Variants in KCNH1 observed in about 807,000 individuals in gnomAD.
The protein encoded by KCNH1 is voltage-gated delayed rectifier potassium channel KCNH1.
KCNH1 carries 27 observed loss-of-function variants against 69.2 expected under a neutral mutation model. The observed-to-expected ratio is 0.39, with a 90% CI of 0.29 to 0.54. The LOEUF (loss-of-function observed/expected upper bound fraction) is 0.54. KCNH1 is among the 20% of genes least tolerant of loss of function. KCNH1 has a pLI of 0.68. For missense variants in KCNH1, 798 were observed against 1,261.6 expected (o/e 0.63, Z 5.57); for synonymous variants, 456 against 487.7 (o/e 0.93, Z 0.86).
intron 7 of KCNH1, among the ~76,000 whole-genome samples, chr1:210,834,612 C>G (rs558945375): frequency 1.8e-4 from 27 of 149,744 alleles, no homozygotes; most frequent in African/African-American, 6.4e-4. Flanking sequence ...TGAAGTGCAC[C>G]AGCATGTCAC....
intron 7 of KCNH1, among the ~76,000 whole-genome samples, chr1:210,826,732 C>T (rs901123811): frequency 3.3e-5 from 5 of 152,218 alleles, no homozygotes; most frequent in African/African-American, 1.2e-4. Context: ...ATTCTGAATA[C>T]ATAGAAACTA....
chr1:211,106,081 C>G (rs1456957810), intron 2 of KCNH1, among the ~76,000 whole-genome samples: 1 of 152,124 alleles, frequency 6.6e-6, no homozygotes, highest in Non-Finnish European at 1.5e-5. Context: ...CTTCTGAAAA[C>G]AGAAGACTAT....
chr1:210,881,059 C>A (rs1686484900), intron 7 of KCNH1, among the ~76,000 whole-genome samples: 1 of 151,512 alleles, frequency 6.6e-6, no homozygotes. Flanking sequence ...ACTCTGTCAC[C>A]CAGGCTGGAG....
intron 5 of KCNH1, among the ~76,000 whole-genome samples, chr1:211,062,046 C>T (rs2102450487): frequency 6.6e-6 from 1 of 152,170 alleles, no homozygotes; most frequent in East Asian, 1.9e-4. Flanking sequence ...GGAAGAATCA[C>T]ATTATCTGAC....
At chr1:210,906,256 A>G (rs1267698243) in intron 7 of KCNH1, among the ~76,000 whole-genome samples, 1 of 152,214 alleles carries the variant, frequency 6.6e-6, no homozygotes, top group Non-Finnish European at 1.5e-5. Flanking sequence ...ATGACTGTGA[A>G]AAGCGGGTCA....
chr1:211,049,301 A>C, intron 5 of KCNH1, among the ~76,000 whole-genome samples: 1 of 152,256 alleles, frequency 6.6e-6, no homozygotes, highest in East Asian at 1.9e-4. Context: ...GAAAAGGCTT[A>C]GATTTTAAAG....
intron 3 of KCNH1, among the ~76,000 whole-genome samples, chr1:211,101,613 C>G (rs1324456755): frequency 2.0e-5 from 3 of 152,158 alleles, no homozygotes; most frequent in Admixed American, 2.0e-4. Flanking sequence ...ACTCAGCAAG[C>G]AAATCACAAG....
intron 6 of KCNH1, among the ~76,000 whole-genome samples, chr1:210,936,761 C>T (rs1687782025): frequency 6.6e-6 from 1 of 152,206 alleles, no homozygotes; most frequent in South Asian, 2.1e-4. Context: ...ATTCAACACT[C>T]TATTCTTTGA....
At chr1:211,077,805 C>T (rs1336121774) in intron 5 of KCNH1, among the ~76,000 whole-genome samples, 2 of 152,072 alleles carry the variant, frequency 1.3e-5, no homozygotes, top group Non-Finnish European at 2.9e-5. Flanking sequence ...TTAAAAGACA[C>T]AAAATGGCAA....
chr1:211,016,650 T>C (rs1165042066), intron 6 of KCNH1, among the ~76,000 whole-genome samples: 1 of 152,152 alleles, frequency 6.6e-6, no homozygotes, highest in African/African-American at 2.4e-5. Flanking sequence ...GGCTCACACC[T>C]GTAATCCCAG....
intron 9 of KCNH1, among the ~76,000 whole-genome samples, chr1:210,788,743 C>CTGGAG (rs1684156838): frequency 8.5e-6 from 1 of 117,218 alleles, no homozygotes; most frequent in Non-Finnish European, 1.6e-5. Flanking sequence ...GTCGCCCAGG[C>CTGGAG]TGGAGTGCAG....
At chr1:210,701,145 G>A (rs2149010974) in intron 10 of KCNH1, among the ~76,000 whole-genome samples, 1 of 152,128 alleles carries the variant, frequency 6.6e-6, no homozygotes, top group Admixed American at 6.5e-5. Flanking sequence ...CACTGTGTTG[G>A]CCAGGATGGT....
intron 7 of KCNH1, among the ~76,000 whole-genome samples, chr1:210,837,674 G>T (rs774599632): frequency 6.6e-6 from 1 of 152,110 alleles, no homozygotes; most frequent in Non-Finnish European, 1.5e-5. Context: ...AAGAACCTTG[G>T]AATCGGCCAT....
chr1:210,955,201 C>G (rs1400742782), intron 6 of KCNH1, among the ~76,000 whole-genome samples: 1 of 152,140 alleles, frequency 6.6e-6, no homozygotes, highest in Non-Finnish European at 1.5e-5. Flanking sequence ...TGTCAAAGAT[C>G]AGATGGTTAT....
At chr1:210,956,190 T>C (rs1222533800) in intron 6 of KCNH1, among the ~76,000 whole-genome samples, 4 of 152,216 alleles carry the variant, frequency 2.6e-5, no homozygotes, top group Non-Finnish European at 5.9e-5. Flanking sequence ...GTTCTGTTTA[T>C]GTGATGGATT....
At chr1:210,985,239 G>A (rs968313913) in intron 6 of KCNH1, among the ~76,000 whole-genome samples, 1 of 152,098 alleles carries the variant, frequency 6.6e-6, no homozygotes, top group Non-Finnish European at 1.5e-5. Flanking sequence ...ACCAGCCCCT[G>A]GATTCACTGA....
intron 6 of KCNH1, among the ~76,000 whole-genome samples, chr1:210,980,709 A>G (rs1688693931): frequency 6.6e-6 from 1 of 152,124 alleles, no homozygotes; most frequent in African/African-American, 2.4e-5. Context: ...AGTATTAGGG[A>G]GAGAGAGTCC....
At chr1:211,015,141 TGG>T (rs1689469969) in intron 6 of KCNH1, among the ~76,000 whole-genome samples, 1 of 152,142 alleles carries the variant, frequency 6.6e-6, no homozygotes, top group South Asian at 2.1e-4. Context: ...ACAGATGCCT[TGG>T]GGAAAATGTA....
intron 5 of KCNH1, among the ~76,000 whole-genome samples, chr1:211,040,190 CAAA>C (rs35260257): frequency 3.7e-5 from 4 of 108,622 alleles, no homozygotes; most frequent in African/African-American, 3.8e-5. Context: ...GACTCCGTCT[CAAA>C]AAAAAAAAAA....
Sources: allele counts gnomAD v4.1 joint callset (sites outside exome capture counted in the v4.1 genomes callset), GRCh38; gene constraint gnomAD v4.1.1; transcripts MANE v1.5; gene names NCBI Gene and HGNC (gene_info 2026-07-23, HGNC 2026-07-21).